MED15: variants seen among roughly 807,000 people sequenced by gnomAD.
MED15 encodes mediator of RNA polymerase II transcription subunit 15.
A neutral mutation model predicts 118.7 loss-of-function variants in MED15; 41 were observed. That is an observed-to-expected ratio of 0.35 (90% confidence interval 0.27 to 0.45). MED15 has a LOEUF of 0.45. Among genes scored for constraint, MED15 ranks in the 20% least tolerant of loss-of-function variants. The probability of loss-of-function intolerance (pLI) is 1.00; values close to 1 mark genes in which losing one functional copy is unlikely to be tolerated. For synonymous variants in MED15, 436 were observed against 413.9 expected, an observed-to-expected ratio of 1.05 and a Z score of -0.65; for missense variants, 740 against 1,025.5, an observed-to-expected ratio of 0.72 and a Z score of 3.80.
chr22:20,547,944 G>C (rs763273423), intron 2 of MED15, among the ~76,000 whole-genome samples: 17 of 152,174 alleles, frequency 1.1e-4, no homozygotes, highest in Non-Finnish European at 2.5e-4. Flanking sequence ...AAACTGCAGT[G>C]AGCGATGATC....
chr22:20,565,586 A>G (rs1006223948), intron 6 of MED15, among the ~76,000 whole-genome samples: 2 of 151,408 alleles, frequency 1.3e-5, no homozygotes, highest in Non-Finnish European at 2.9e-5. Context: ...GGGCCCCACC[A>G]CCCTCCCACC....
chr22:20,555,220 T>G, intron 5 of MED15, 72 bp downstream of exon 5: 2 of 1,390,070 alleles, frequency 1.4e-6, no homozygotes, highest in Non-Finnish European at 1.9e-6. Context: ...CCTGTGCTTA[T>G]GATGGTATCA....
intron 8 of MED15, among the ~76,000 whole-genome samples, chr22:20,569,788 C>G (rs1246456270): frequency 6.6e-6 from 1 of 152,144 alleles, no homozygotes; most frequent in Non-Finnish European, 1.5e-5. Context: ...TTACTTACAG[C>G]TGGGGGAGGC....
intron 2 of MED15, among the ~76,000 whole-genome samples, chr22:20,544,766 A>G (rs1191582808): frequency 1.3e-5 from 2 of 152,214 alleles, no homozygotes; most frequent in East Asian, 1.9e-4. Context: ...CAGGGAGGCT[A>G]TAGGAGAGGA....
rs144351956 is a variant in MED15 at position 20,582,914 on chromosome 22, C to T, written c.1484C>T (p.Ala495Val). 1.4e-3 allele frequency: 2,181 copies of T among 1,613,716 alleles called. 10 individuals are homozygous for T. Among genetic ancestry groups the T allele is most frequent in the South Asian group, 9.7e-3 (880 of 91,084 alleles). The change falls in exon 11 of 18, where the codon GCG becomes GTG. Residue 495 changes from alanine to valine, a missense_variant. Physicochemically the swap from Ala to Val is moderately conservative, Grantham distance 64. Around this residue, in one of 7 missense-constraint regions of MED15, gnomAD observed 384 missense variants for 506.3 expected, o/e 0.76. Coordinates refer to ENST00000263205, the MANE Select transcript of MED15 (RefSeq NM_001003891.3). ...CAGCCCTCCCAGAGCCCAGTGACGG[C>T]GCGGACCCCACAGAACTTCAGTGTC... ...SPQPSQSPVT[A>V]RTPQNFSVPS...
intron 2 of MED15, among the ~76,000 whole-genome samples, chr22:20,538,211 T>G (rs896339137): frequency 6.6e-6 from 1 of 152,160 alleles, no homozygotes; most frequent in African/African-American, 2.4e-5. Flanking sequence ...CCTCCCAAAG[T>G]GCTGGGGTCA....
At chr22:20,516,959 G>T (rs1318927527) in intron 1 of MED15, among the ~76,000 whole-genome samples, 1 of 152,122 alleles carries the variant, frequency 6.6e-6, no homozygotes, top group African/African-American at 2.4e-5. Flanking sequence ...TTGAGAAAGG[G>T]TCTTGTTATG....
At chr22:20,570,495 G>C (rs769084706) in intron 8 of MED15, among the ~76,000 whole-genome samples, 1 of 150,428 alleles carries the variant, frequency 6.6e-6, no homozygotes, top group South Asian at 2.1e-4. Context: ...GGGTTCAGGC[G>C]ATTCTTGTGC....
At chr22:20,517,222 C>G (rs1015048459) in intron 1 of MED15, among the ~76,000 whole-genome samples, 7 of 152,014 alleles carry the variant, frequency 4.6e-5, no homozygotes, top group Non-Finnish European at 1.0e-4. Flanking sequence ...CAGGCATGAG[C>G]CACTACGCCT....
chr22:20,567,087 T>C (rs565977149), intron 7 of MED15, among the ~76,000 whole-genome samples: 1 of 152,336 alleles, frequency 6.6e-6, no homozygotes, highest in African/African-American at 2.4e-5. Flanking sequence ...GCAGTGTGGC[T>C]GATTGCAGCA....
At chr22:20,575,338 G>T in intron 9 of MED15, 106 bp downstream of exon 9, 1 of 1,403,552 alleles carries the variant, frequency 7.1e-7, no homozygotes, top group Non-Finnish European at 9.4e-7. Context: ...TTCTTTTATG[G>T]TGGCTTTCAG....
chr22:20,585,527 G>A, intron 16 of MED15: 1 of 683,922 alleles, frequency 1.5e-6, no homozygotes, highest in South Asian at 1.9e-5. Flanking sequence ...GAGGTGGTAG[G>A]CAGGACCTCT....
intron 3 of MED15, chr22:20,552,566 T>C: frequency 2.2e-6 from 1 of 456,576 alleles, no homozygotes. Context: ...GTGCACACAG[T>C]CCTGTGGGGC....
intron 16 of MED15, 46 bp from the exon 17 acceptor site, chr22:20,585,682 A>G (rs1601655298): frequency 2.5e-6 from 4 of 1,572,918 alleles, no homozygotes; most frequent in East Asian, 4.5e-5. Flanking sequence ...GAGGCAGGGC[A>G]GGCCGGGGCT....
At chr22:20,534,430 T>G (rs1192172785) in intron 1 of MED15, among the ~76,000 whole-genome samples, 1 of 151,906 alleles carries the variant, frequency 6.6e-6, no homozygotes, top group South Asian at 2.1e-4. Context: ...GAGGCTGAGG[T>G]GAGAGGATAC....
intron 13 of MED15, 130 bp downstream of exon 13, chr22:20,583,523 C>A: frequency 1.9e-6 from 2 of 1,048,842 alleles, no homozygotes; most frequent in Non-Finnish European, 2.8e-6. Flanking sequence ...CAGAGGCCTC[C>A]AAGGCTCCAC....
intron 2 of MED15, among the ~76,000 whole-genome samples, chr22:20,549,965 C>T (rs769902659): frequency 7.2e-5 from 11 of 152,342 alleles, no homozygotes; most frequent in East Asian, 5.8e-4. Context: ...TATCTTGTTG[C>T]TTTTGAAACC....
At chr22:20,574,532 C>G (rs1388620532) in intron 8 of MED15, 1 of 152,458 alleles carries the variant, frequency 6.6e-6, no homozygotes, top group African/African-American at 2.4e-5. Flanking sequence ...CGAAAGAAAA[C>G]CAGTTCCTTG....
intron 1 of MED15, among the ~76,000 whole-genome samples, chr22:20,511,789 A>C (rs926723045): frequency 6.6e-6 from 1 of 151,854 alleles, no homozygotes; most frequent in Non-Finnish European, 1.5e-5. Context: ...TTCTTCCCCC[A>C]ACAGCACAAG....
Sources: allele counts gnomAD v4.1 joint callset (sites outside exome capture counted in the v4.1 genomes callset), GRCh38; gene constraint gnomAD v4.1.1; regional missense constraint gnomAD v4.1.1; transcripts MANE v1.5; gene names NCBI Gene and HGNC (gene_info 2026-07-23, HGNC 2026-07-21).